Variants in ANKRD39 observed in about 807,000 individuals in gnomAD.
ANKRD39 encodes ankyrin repeat domain 39.
ANKRD39 carries 18 observed loss-of-function variants against 20.3 expected under a neutral mutation model. The observed-to-expected ratio is 0.89, with a 90% CI of 0.61 to 1.32. The LOEUF (loss-of-function observed/expected upper bound fraction) is 1.32. Ranked by LOEUF, ANKRD39 falls within the 40% of genes most tolerant of loss-of-function variation. The probability of loss-of-function intolerance (pLI) is 0.00; values close to 1 mark genes in which losing one functional copy is unlikely to be tolerated. For missense variants in ANKRD39, 243 were observed against 250.7 expected, an observed-to-expected ratio of 0.97 and a Z score of 0.21; for synonymous variants, 106 against 111.9, an observed-to-expected ratio of 0.95 and a Z score of 0.33.
Position 96,848,354 on chromosome 2 carries a change from C to G in ANKRD39, c.499G>C (p.Ala167Pro), listed in dbSNP as rs144892287. The G allele has an allele frequency of 1.5e-4, 237 of 1,614,196 alleles. 5 individuals carry two copies. The East Asian group carries it at 5.2e-3, about 36-fold the overall frequency. The change falls in exon 4 of 4, where the codon GCA becomes CCA. Residue 167 changes from alanine (A) to proline (P), a missense_variant. Coordinates refer to ENST00000393537, the MANE Select transcript of ANKRD39 (RefSeq NM_016466.6). ...CTGTTGCAAGGCAGCAGGTCACATG[C>G]TAGCCGTGCCTTTCGGTCCCGGATG... ...KAIRDRKARL[A>P]CDLLPCNSDL...
At position 96,857,936 on chromosome 2, in the gene ANKRD39, C is replaced by A; in HGVS notation, c.52G>T (p.Ala18Ser). The change falls in exon 1 of 4, where the codon GCG (alanine) becomes TCG (serine). Residue 18 changes from alanine (A) to serine (S), a missense_variant. By Grantham distance (99) the Ala-to-Ser change is moderately conservative. Coordinates refer to ENST00000393537, the MANE Select transcript of ANKRD39 (RefSeq NM_016466.6). Reference sequence around the variant, plus strand: ...AGCGTCTGCTGTACGCCGAGCACCGCGCTGGGATGCGAGCAGCAGGGCCCG... The same window carrying A: ...AGCGTCTGCTGTACGCCGAGCACCGAGCTGGGATGCGAGCAGCAGGGCCCG... ...ADGPCCSHPS[A>S]VLGVQQTLEE... 6.3e-7 allele frequency: 1 copy of A among 1,582,350 alleles called. No homozygotes were observed. Among genetic ancestry groups the A allele is most frequent in the Non-Finnish European group, 8.5e-7 (1 of 1,171,274 alleles).
At chr2:96,855,495 C>T (rs531862761) in intron 1 of ANKRD39, among the ~76,000 whole-genome samples, 140 of 152,206 alleles carry the variant, frequency 9.2e-4, no homozygotes, top group Non-Finnish European at 1.5e-3. Context: ...GAGGCCGAGG[C>T]GGGTGGATCA....
At chr2:96,855,126 C>T (rs2079856514) in intron 1 of ANKRD39, among the ~76,000 whole-genome samples, 1 of 152,116 alleles carries the variant, frequency 6.6e-6, no homozygotes, top group Admixed American at 6.6e-5. Flanking sequence ...TGGCGACAGA[C>T]AACAACTAGC....
In ANKRD39 at chr2:96,848,298, G is replaced by A. The variant is rs765228262; in HGVS notation, c.*3C>T. 5.6e-6 allele frequency: 9 copies of A among 1,613,874 alleles called. No individual in the cohort carries two copies. The highest frequency in any genetic ancestry group is 1.7e-4 in the Middle Eastern group (1 of 6,000). On this transcript the variant is annotated 3_prime_UTR_variant, in exon 4 of 4. Transcript: ENST00000393537. ...TAAAGGCAGCTGGAGATAGGGTGGCGGCTCAGCTGGATAGCAGGTCCCGCA... is the reference window on the plus strand; with the variant it reads ...TAAAGGCAGCTGGAGATAGGGTGGCAGCTCAGCTGGATAGCAGGTCCCGCA...
chr2:96,848,795 T>A (rs898473467), intron 3 of ANKRD39, among the ~76,000 whole-genome samples: 6 of 151,828 alleles, frequency 4.0e-5, no homozygotes, highest in Admixed American at 1.3e-4. Flanking sequence ...CACTCCAGCC[T>A]GGGCGACAGA....
chr2:96,857,961 G>C lies in ANKRD39; in HGVS notation c.27C>G (p.Asp9Glu). The C allele has an allele frequency of 2.6e-6, 4 of 1,564,176 alleles. No homozygotes were observed. The highest frequency in any genetic ancestry group is 3.4e-6 in the Non-Finnish European group (4 of 1,162,404). MATPRPCA[D>E]GPCCSHPSAV... ...CGCTGGGATGCGAGCAGCAGGGCCC[G>C]TCCGCGCAGGGCCGAGGCGTCGCCA... Residue 9 changes from aspartate to glutamate, a missense_variant, in exon 1 of 4, where the codon GAC becomes GAG. Transcript: ENST00000393537.
In ANKRD39 at chr2:96,853,454, G is replaced by A. The variant is rs2079847952; in HGVS notation, c.355C>T (p.His119Tyr). 1.3e-6 allele frequency: 2 copies of A among 1,597,372 alleles called. No individual in the cohort carries two copies. Among genetic ancestry groups the A allele is most frequent in the African/African-American group, 1.3e-5 (1 of 74,532 alleles). ...HTEIARLLLS[H>Y]GSNPRVVDDD... ...TCCACCACCCTGGGGTTGGACCCAT[G>A]TGATAGCAGGAGCCGCGCGATTTCA... is the stretch of plus-strand genomic sequence containing the variant. Residue 119 changes from histidine to tyrosine, a missense_variant, in exon 3 of 4, where the codon CAT becomes TAT. Transcript: ENST00000393537.
At chr2:96,848,997 C>T (rs1260669152) in intron 3 of ANKRD39, among the ~76,000 whole-genome samples, 1 of 152,184 alleles carries the variant, frequency 6.6e-6, no homozygotes, top group Non-Finnish European at 1.5e-5. Context: ...CAGACCTACA[C>T]ATTAAAAACA....
intron 1 of ANKRD39, among the ~76,000 whole-genome samples, chr2:96,857,620 C>A (rs1407943197): frequency 2.0e-5 from 3 of 152,252 alleles, no homozygotes; most frequent in Non-Finnish European, 4.4e-5. Context: ...CAGGGGAGGT[C>A]GTCCCCCGCT....
rs1574135926 is a variant in ANKRD39 at position 96,853,428 on chromosome 2, A to G, written c.381T>C (p.Asp127=). The part of the protein sequence containing the change: ...LSHGSNPRVV[D]DDGMTSLHKA... Reference sequence around the variant, plus strand: ...TATGCAGACTGGTCATGCCGTCGTCATCCACCACCCTGGGGTTGGACCCAT... The same window carrying G: ...TATGCAGACTGGTCATGCCGTCGTCGTCCACCACCCTGGGGTTGGACCCAT... The change falls in exon 3 of 4, where the codon GAT becomes GAC. Residue 127 remains aspartate (D), a synonymous_variant. Transcript: ENST00000393537. The G allele has an allele frequency of 6.3e-7, 1 of 1,588,534 alleles. No homozygotes were observed. Among genetic ancestry groups the G allele is most frequent in the Middle Eastern group, 1.7e-4 (1 of 6,026 alleles).
At chr2:96,857,626 C>T (rs1011422508) in intron 1 of ANKRD39, among the ~76,000 whole-genome samples, 4 of 152,278 alleles carry the variant, frequency 2.6e-5, no homozygotes, top group Non-Finnish European at 5.9e-5. Context: ...AGGTCGTCCC[C>T]CGCTACTCGG....
chr2:96,852,436 G>A (rs1335264442), intron 3 of ANKRD39, among the ~76,000 whole-genome samples: 1 of 146,124 alleles, frequency 6.8e-6, no homozygotes, highest in African/African-American at 2.5e-5. Context: ...TTATTAGTAG[G>A]GCCTCTGAGT....
At position 96,848,233 on chromosome 2, in the gene ANKRD39, G is replaced by A; in HGVS notation, c.*68C>T. ...TTCCCTGCCCAGCAGCATGGATGCT[G>A]ACCAAGGCAGGGGCTTGGAGAACTG... On this transcript the variant is annotated 3_prime_UTR_variant, in exon 4 of 4. Transcript: ENST00000393537. 1 of 1,586,122 alleles carries A rather than the reference G, an allele frequency of 6.3e-7. No individual in the cohort carries two copies. The highest frequency in any genetic ancestry group is 8.6e-7 in the Non-Finnish European group (1 of 1,161,658).
intron 3 of ANKRD39, among the ~76,000 whole-genome samples, chr2:96,851,019 G>A (rs1021060635): frequency 3.3e-5 from 5 of 152,110 alleles, no homozygotes; most frequent in Admixed American, 6.6e-5. Context: ...TTTTTGAGAC[G>A]GAATATCTGT....
At chr2:96,852,351 T>C (rs1262371693) in intron 3 of ANKRD39, among the ~76,000 whole-genome samples, 1 of 130,504 alleles carries the variant, frequency 7.7e-6, no homozygotes, top group Non-Finnish European at 1.5e-5. Context: ...CATGCCACTG[T>C]ACTCCAACCT....
At chr2:96,856,064 G>T (rs2079861851) in intron 1 of ANKRD39, among the ~76,000 whole-genome samples, 1 of 152,200 alleles carries the variant, frequency 6.6e-6, no homozygotes, top group South Asian at 2.1e-4. Context: ...TCTTTTATTT[G>T]TGACAACAGT....
At chr2:96,852,510 G>GAAAAAAAAAAA (rs2079843376) in intron 3 of ANKRD39, among the ~76,000 whole-genome samples, 1 of 59,978 alleles carries the variant, frequency 1.7e-5, no homozygotes, top group African/African-American at 6.8e-5. Flanking sequence ...AGACAAAAAA[G>GAAAAAAAAAAA]ACAAAAAAAA....
chr2:96,858,011 C>G lies in ANKRD39; in HGVS notation c.-24G>C, dbSNP rs1342888513. ...ATCCCGGCCCCGGCGTCAGTCGATCCGCCCCGGGTCTCAGGCTCAGCCTCG... is the reference window on the plus strand; with the variant it reads ...ATCCCGGCCCCGGCGTCAGTCGATCGGCCCCGGGTCTCAGGCTCAGCCTCG... On this transcript the variant is annotated 5_prime_UTR_variant, in exon 1 of 4. Coordinates refer to ENST00000393537, the MANE Select transcript of ANKRD39 (RefSeq NM_016466.6). 6.6e-7 allele frequency: 1 copy of G among 1,508,888 alleles called. No individual in the cohort carries two copies. The highest frequency in any genetic ancestry group is 2.1e-5 in the Admixed American group (1 of 48,270). The allele number at this position is 1,508,888 out of a possible 1,614,324, so 93.5% of individuals were successfully genotyped here. A position where few individuals can be genotyped will look rare whatever the true frequency, so the allele number is the denominator to read the frequency against.
chr2:96,848,663 A>C (rs1382125601), intron 3 of ANKRD39, among the ~76,000 whole-genome samples: 1 of 152,202 alleles, frequency 6.6e-6, no homozygotes, highest in Non-Finnish European at 1.5e-5. Context: ...TCTACTAAAA[A>C]TACAAAAATT....
Sources: gnomAD v4.1 joint callset for allele counts (sites outside exome capture counted in the v4.1 genomes callset) on GRCh38, gnomAD v4.1.1 for gene constraint, MANE v1.5 for transcripts, NCBI Gene and HGNC (gene_info 2026-07-23, HGNC 2026-07-21) for gene names.